Variants in CTNND1 observed in about 807,000 individuals in gnomAD.
CTNND1 encodes the protein catenin delta-1.
CTNND1 carries 16 observed loss-of-function variants against 112.1 expected under a neutral mutation model. That is an observed-to-expected ratio of 0.14 (90% confidence interval 0.10 to 0.22). The LOEUF is 0.22. Ranked by LOEUF, CTNND1 falls within the 10% of genes least tolerant of loss-of-function variation. CTNND1 has a pLI of 1.00. For synonymous variants in CTNND1, 420 were observed against 446.5 expected, an observed-to-expected ratio of 0.94 and a Z score of 0.75; for missense variants, 1,008 against 1,257.0, an observed-to-expected ratio of 0.80 and a Z score of 3.00.
At chr11:57,789,010 C>T in intron 1 of CTNND1, 27 bp from the exon 2 acceptor site, 1 of 1,471,916 alleles carries the variant, frequency 6.8e-7, no homozygotes, top group Non-Finnish European at 9.2e-7. Flanking sequence ...CCTCTCATTC[C>T]CATTTTTCCT....
At chr11:57,816,056 C>T (rs1309087679) in intron 20 of CTNND1, 55 bp downstream of exon 20, 5 of 1,426,334 alleles carry the variant, frequency 3.5e-6, no homozygotes, top group East Asian at 2.4e-5. Context: ...CTCCTGAGTG[C>T]CAGCAACTTG....
At chr11:57,792,008 G>C (rs1038177962) in intron 3 of CTNND1, among the ~76,000 whole-genome samples, 1 of 151,656 alleles carries the variant, frequency 6.6e-6, no homozygotes, top group African/African-American at 2.4e-5. Context: ...TTTTTTCTTG[G>C]TATCAAAAAA....
intron 7 of CTNND1, 58 bp from the exon 8 acceptor site, chr11:57,803,563 T>C (rs2137184008): frequency 7.3e-7 from 1 of 1,361,498 alleles, no homozygotes; most frequent in South Asian, 1.4e-5. Flanking sequence ...CTCTTTGACG[T>C]TCTTCAGACA....
chr11:57,771,422 T>TTATATAGAG (rs140412383), intron 1 of CTNND1, among the ~76,000 whole-genome samples: 37,956 of 151,652 alleles, frequency 0.25, 6,177 homozygotes, highest in East Asian at 0.78. Context: ...TGAGGTTATT[T>TTATATAGAG]TATATAGAGT....
At chr11:57,797,714 T>C (rs1439886975) in intron 6 of CTNND1, among the ~76,000 whole-genome samples, 1 of 150,658 alleles carries the variant, frequency 6.6e-6, no homozygotes, top group Non-Finnish European at 1.5e-5. Context: ...TAGTGGTGCA[T>C]GCCTGTAATC....
intron 1 of CTNND1, among the ~76,000 whole-genome samples, chr11:57,787,081 T>G (rs1009564879): frequency 1.1e-4 from 16 of 152,234 alleles, no homozygotes; most frequent in African/African-American, 3.9e-4. Flanking sequence ...CAATAAAACT[T>G]CCTTAGGGTT....
chr11:57,764,761 C>T (rs1308947997), intron 1 of CTNND1, among the ~76,000 whole-genome samples: 1 of 152,130 alleles, frequency 6.6e-6, no homozygotes, highest in Non-Finnish European at 1.5e-5. Context: ...CTACAAAGTC[C>T]ATGGACTTAA....
rs1330792425 is a variant in CTNND1 at position 57,765,241 on chromosome 11, A to G, written c.-214+3122A>G. 2.0e-5 allele frequency among the ~76,000 whole-genome samples: 3 copies of G among 152,034 alleles called. No homozygotes were observed. In the East Asian group the frequency reaches 5.8e-4, roughly 29 times the overall value. ...GCAGCTTGGGTGTAGGTACTGTCTT[A>G]TCTCTGTATCTTTTTAGCACCTGTC... is the stretch of plus-strand genomic sequence containing the variant. On this transcript the variant is annotated intron_variant, in intron 1 of 20. Transcript: ENST00000399050.
At chr11:57,766,595 C>T (rs1677480943) in intron 1 of CTNND1, among the ~76,000 whole-genome samples, 1 of 152,124 alleles carries the variant, frequency 6.6e-6, no homozygotes, top group Non-Finnish European at 1.5e-5. Flanking sequence ...GATTGCTCTG[C>T]CTAAATTATG....
At chr11:57,783,747 G>T (rs1229145223) in intron 1 of CTNND1, among the ~76,000 whole-genome samples, 5 of 152,114 alleles carry the variant, frequency 3.3e-5, no homozygotes, top group Non-Finnish European at 5.9e-5. Flanking sequence ...GGTTGAACCG[G>T]AATATTTCTT....
rs1467240717 is a variant in CTNND1, at chr11:57,819,386, A to G, written c.*3078A>G. 3 of 152,216 alleles carry G rather than the reference A, an allele frequency of 2.0e-5. No homozygotes were observed. Among genetic ancestry groups the G allele is most frequent in the South Asian group, 2.1e-4 (1 of 4,832 alleles). The allele number at this position is 152,216 out of a possible 1,614,324, so 9.4% of individuals were successfully genotyped here. A position where few individuals can be genotyped will look rare whatever the true frequency, so the allele number is the denominator to read the frequency against. ...GATAGCCCTGCTTGAGATGATTTTTATCTAAATAGAAAAGCCTGGCTGCTT... is the reference window on the plus strand; with the variant it reads ...GATAGCCCTGCTTGAGATGATTTTTGTCTAAATAGAAAAGCCTGGCTGCTT... On this transcript the variant is annotated 3_prime_UTR_variant, in exon 21 of 21. Transcript: ENST00000399050.
chr11:57,782,023 T>C (rs967153467), intron 1 of CTNND1, among the ~76,000 whole-genome samples: 2 of 151,810 alleles, frequency 1.3e-5, no homozygotes, highest in African/African-American at 4.8e-5. Flanking sequence ...GAGGTCATGA[T>C]GGTGGAGGTG....
intron 12 of CTNND1, among the ~76,000 whole-genome samples, chr11:57,807,954 T>C (rs2062910529): frequency 6.6e-6 from 1 of 152,146 alleles, no homozygotes; most frequent in African/African-American, 2.4e-5. Flanking sequence ...TGAGTTGATA[T>C]TTGTTCTACT....
intron 15 of CTNND1, 116 bp downstream of exon 15, chr11:57,809,582 G>A (rs975972734): frequency 1.2e-6 from 1 of 848,006 alleles, no homozygotes; most frequent in Non-Finnish European, 1.8e-6. Context: ...TGTGTGAAGA[G>A]CTATTGCTCT....
chr11:57,786,734 CA>C (rs1185300018), intron 1 of CTNND1, among the ~76,000 whole-genome samples: 2 of 152,168 alleles, frequency 1.3e-5, no homozygotes, highest in Non-Finnish European at 2.9e-5. Context: ...CTAACAGCTT[CA>C]TTCTTTCCCC....
At position 57,806,970 on chromosome 11, in the gene CTNND1, G is replaced by A. The variant is rs368183000; in HGVS notation, c.1950G>A (p.Thr650=). The A allele has an allele frequency of 1.8e-5, 28 of 1,599,046 alleles. No individual in the cohort carries two copies. Among genetic ancestry groups the A allele is most frequent in the Admixed American group, 5.2e-5 (3 of 57,734 alleles). The change falls in exon 12 of 21, where the codon ACG becomes ACA. Residue 650 remains threonine, a synonymous_variant. Coordinates refer to ENST00000399050, the MANE Select transcript of CTNND1 (RefSeq NM_001085458.2). ...ATACAGTGGATTTCCCTAAAAGAAC[G>A]AGTCCAGCTCGAGGTAAGTTATCTT... ...ANDTVDFPKR[T]SPARGYELLF...
Position 57,801,614 on chromosome 11 carries a change from T to G in CTNND1, c.957-119T>G, listed in dbSNP as rs1403896563. ...GTATATTATTCATGCAAAGGAGAGA[T>G]AAGATGAGCACACTGAAACTCCAGT... On this transcript the variant is annotated intron_variant, in intron 6 of 20. Transcript: ENST00000399050. The G allele has an allele frequency of 1.5e-5, 11 of 753,378 alleles. No homozygotes were observed. The South Asian group carries it at 1.7e-4, about 11-fold the overall frequency. 46.7% of individuals were successfully genotyped at this position (753,378 alleles called of 1,614,324 possible). A position where few individuals can be genotyped will look rare whatever the true frequency, so the allele number is the denominator to read the frequency against.
intron 1 of CTNND1, among the ~76,000 whole-genome samples, chr11:57,787,544 C>A (rs190643849): frequency 1.3e-5 from 2 of 152,200 alleles, no homozygotes; most frequent in African/African-American, 4.8e-5. Flanking sequence ...TTCCTAACTC[C>A]TGGGAAGCAG....
rs1255260832 is a variant in CTNND1 at position 57,805,920 on chromosome 11, A to G, written c.1761A>G (p.Ser587=). ...ENCVCLLRNL[S]YQVHREIPQA... Reference sequence around the variant, plus strand: ...GTGTTTGCCTTCTTCGGAACTTATCATATCAAGTTCACCGGGAGATCCCAC... The same window carrying G: ...GTGTTTGCCTTCTTCGGAACTTATCGTATCAAGTTCACCGGGAGATCCCAC... Residue 587 remains serine, a synonymous_variant, in exon 10 of 21, where the codon TCA becomes TCG. Transcript: ENST00000399050. 6.2e-7 allele frequency: 1 copy of G among 1,613,862 alleles called. No homozygotes were observed. The highest frequency in any genetic ancestry group is 8.5e-7 in the Non-Finnish European group (1 of 1,179,818).
Sources: allele counts gnomAD v4.1 joint callset (sites outside exome capture counted in the v4.1 genomes callset), GRCh38; gene constraint gnomAD v4.1.1; transcripts MANE v1.5; gene names NCBI Gene and HGNC (gene_info 2026-07-23, HGNC 2026-07-21).